Variants in ITCH observed in about 807,000 individuals in gnomAD.
ITCH encodes E3 ubiquitin-protein ligase Itchy homolog.
A neutral mutation model predicts 126.8 loss-of-function variants in ITCH; 28 were observed. That is an observed-to-expected ratio of 0.22 (90% CI 0.16 to 0.30). ITCH has a LOEUF of 0.30. ITCH is among the 10% of genes least tolerant of loss of function. The pLI, the probability that ITCH is intolerant of heterozygous loss-of-function variation, is 1.00. For synonymous variants in ITCH, 342 were observed against 340.0 expected, an observed-to-expected ratio of 1.01 and a Z score of -0.06; for missense variants, 631 against 1,032.4, an observed-to-expected ratio of 0.61 and a Z score of 5.33.
rs1215194485 is a variant in ITCH, at chr20:34,478,995, C to T, written c.1659-635C>T. Among the ~76,000 whole-genome samples, 8 of 152,154 alleles carry T rather than the reference C, an allele frequency of 5.3e-5. No homozygotes were observed. The South Asian group carries it at 1.4e-3, about 28-fold the overall frequency. ...GCCACATGTATTACCCCAGATCACC[C>T]ATGTTACGTAGTTTTAGTAACCATA... On this transcript the variant is annotated intron_variant, in intron 17 of 24. Transcript: ENST00000374864.
At chr20:34,507,263 G>GTTTTTTTTTTTTTTT (rs776161631) in intron 24 of ITCH, among the ~76,000 whole-genome samples, 38 of 39,126 alleles carry the variant, frequency 9.7e-4, no homozygotes, top group Middle Eastern at 0.024. Flanking sequence ...GTTTTCTTCT[G>GTTTTTTTTTTTTTTT]TTTTTTTTTT....
intron 3 of ITCH, 70 bp from the exon 4 acceptor site, chr20:34,408,581 G>A: frequency 2.2e-6 from 3 of 1,393,420 alleles, no homozygotes; most frequent in South Asian, 2.4e-5. Flanking sequence ...GCCTAATTAT[G>A]AAGTTAAATT....
intron 16 of ITCH, among the ~76,000 whole-genome samples, chr20:34,473,487 G>T (rs151047436): frequency 1.3e-5 from 2 of 152,274 alleles, no homozygotes; most frequent in East Asian, 3.9e-4. Context: ...ACCTGGGGCT[G>T]TGCGACCTGT....
At chr20:34,442,687 A>C (rs1983905413) in intron 10 of ITCH, among the ~76,000 whole-genome samples, 1 of 146,884 alleles carries the variant, frequency 6.8e-6, no homozygotes, top group South Asian at 2.5e-4. Flanking sequence ...AAGATTCCTT[A>C]GGTGGGCTGG....
At chr20:34,367,312 CCTCCCAAGTAGCTGG>C (rs1442933914) in intron 1 of ITCH, among the ~76,000 whole-genome samples, 1 of 152,060 alleles carries the variant, frequency 6.6e-6, no homozygotes, top group Non-Finnish European at 1.5e-5. Flanking sequence ...CAAGTAGCTG[CCTCCCAAGTAGCTGG>C]AATTAGAGGT....
chr20:34,485,366 T>A (rs1989030780), intron 20 of ITCH, among the ~76,000 whole-genome samples: 2 of 152,216 alleles, frequency 1.3e-5, no homozygotes, highest in South Asian at 4.1e-4. Context: ...CCAAAGTGTT[T>A]TTGCCATTTT....
chr20:34,476,627 ATCTGGGATTT>A (rs2079743775), intron 16 of ITCH: 2 of 400,626 alleles, frequency 5.0e-6, no homozygotes, highest in Admixed American at 1.0e-4. Flanking sequence ...TTTTTGTTAC[ATCTGGGATTT>A]TCTGGCTTGA....
At chr20:34,415,555 C>G (rs1390503687) in intron 6 of ITCH, among the ~76,000 whole-genome samples, 1 of 151,746 alleles carries the variant, frequency 6.6e-6, no homozygotes, top group East Asian at 1.9e-4. Context: ...GAGACTCTCT[C>G]TCAAAAAAAA....
rs1366480511 is a variant in ITCH at position 34,495,317 on chromosome 20, ACACACG to A, written c.2416+2726_2416+2731del. 7.3e-4 allele frequency among the ~76,000 whole-genome samples: 38 copies of A among 51,990 alleles called. No individual in the cohort carries two copies. In the South Asian group the frequency reaches 7.6e-3, roughly 10 times the overall value. The allele number at this position is 51,990 out of a possible 152,430, so 34.1% of individuals were successfully genotyped here. On this transcript the variant is annotated intron_variant, in intron 23 of 24. Transcript: ENST00000374864. ...AAAATATATATATATATATATATAT[ACACACG>A]CACACACACACACGGTAAATTGTTG...
intron 6 of ITCH, 75 bp from the exon 7 acceptor site, chr20:34,424,405 G>A: frequency 9.5e-7 from 1 of 1,054,596 alleles, no homozygotes; most frequent in Non-Finnish European, 1.5e-6. Context: ...TTGCTTACAT[G>A]GCATGTTTAG....
chr20:34,402,215 A>G lies in ITCH; in HGVS notation c.71-6436A>G. The stretch of plus-strand genomic sequence containing the variant: ...CCAGGGCAGCCAATATTGCTTCGTC[A>G]AATACATTCTTTAGGCCTTTCTTTG... On this transcript the variant is annotated intron_variant, in intron 3 of 24. Coordinates refer to ENST00000374864, the MANE Select transcript of ITCH (RefSeq NM_031483.7). 3.5e-6 allele frequency: 5 copies of G among 1,422,492 alleles called. No homozygotes were observed. In the South Asian group the frequency reaches 5.7e-5, roughly 16 times the overall value. 88.1% of individuals were successfully genotyped at this position (1,422,492 alleles called of 1,614,324 possible). A position where few individuals can be genotyped will look rare whatever the true frequency, so the allele number is the denominator to read the frequency against.
chr20:34,451,072 C>T (rs1039747223), intron 12 of ITCH: 2 of 151,946 alleles, frequency 1.3e-5, no homozygotes, highest in African/African-American at 4.8e-5. Context: ...TGAATCGCTT[C>T]AGTTCAGGAG....
intron 3 of ITCH, among the ~76,000 whole-genome samples, chr20:34,396,340 T>A (rs565483088): frequency 6.6e-6 from 1 of 151,940 alleles, no homozygotes; most frequent in Admixed American, 6.6e-5. Flanking sequence ...GCCCAAATTA[T>A]TTTTAAAAGC....
chr20:34,415,143 A>T (rs533754167), intron 6 of ITCH, among the ~76,000 whole-genome samples: 1 of 152,316 alleles, frequency 6.6e-6, no homozygotes, highest in African/African-American at 2.4e-5. Flanking sequence ...GATGAGTTTG[A>T]CGAAGATCTT....
intron 4 of ITCH, among the ~76,000 whole-genome samples, chr20:34,409,945 G>T (rs1002839234): frequency 2.0e-5 from 3 of 151,924 alleles, no homozygotes; most frequent in African/African-American, 7.3e-5. Context: ...CAGGAGGATT[G>T]TGTGAGGCCA....
chr20:34,368,292 C>T (rs145115229), intron 1 of ITCH, among the ~76,000 whole-genome samples: 37 of 150,926 alleles, frequency 2.5e-4, no homozygotes, highest in East Asian at 2.1e-3. Context: ...AAAAAAAATT[C>T]GTGTTAGTAC....
At chr20:34,488,619 A>G (rs1989298348) in intron 20 of ITCH, among the ~76,000 whole-genome samples, 1 of 152,180 alleles carries the variant, frequency 6.6e-6, no homozygotes, top group Non-Finnish European at 1.5e-5. Context: ...AGGCTGATGC[A>G]CAAGAACTGA....
chr20:34,447,768 C>A (rs567208037), intron 11 of ITCH, among the ~76,000 whole-genome samples: 13 of 152,290 alleles, frequency 8.5e-5, no homozygotes, highest in Non-Finnish European at 1.8e-4. Context: ...TCAGGAGGAG[C>A]AAGGCAGTTC....
intron 6 of ITCH, among the ~76,000 whole-genome samples, chr20:34,418,199 A>G (rs1054987380): frequency 2.6e-5 from 4 of 152,150 alleles, no homozygotes; most frequent in Middle Eastern, 3.4e-3. Flanking sequence ...TCCTGAGCTC[A>G]GGCAATCCTC....
Sources: gnomAD v4.1 joint callset for allele counts (sites outside exome capture counted in the v4.1 genomes callset) on GRCh38, gnomAD v4.1.1 for gene constraint, MANE v1.5 for transcripts, NCBI Gene and HGNC (gene_info 2026-07-23, HGNC 2026-07-21) for gene names.